Variants in UGGT1 observed in about 807,000 individuals in gnomAD.
UGGT1 encodes UDP-glucose glycoprotein glucosyltransferase 1.
UGGT1 carries 107 observed loss-of-function variants against 203.9 expected under a neutral mutation model. The ratio of observed to expected loss-of-function variants is 0.52; its 90% CI spans 0.45 to 0.62. UGGT1 has a LOEUF of 0.62. Among genes scored for constraint, UGGT1 ranks in the 20% least tolerant of loss-of-function variants. The pLI, the probability that UGGT1 is intolerant of heterozygous loss-of-function variation, is 0.00. For missense variants in UGGT1, 1,673 were observed against 1,867.2 expected, an observed-to-expected ratio of 0.90 and a Z score of 1.92; for synonymous variants, 628 against 653.5, an observed-to-expected ratio of 0.96 and a Z score of 0.59.
chr2:128,158,256 G>A (rs1050838302), intron 22 of UGGT1, among the ~76,000 whole-genome samples: 5 of 152,148 alleles, frequency 3.3e-5, no homozygotes, highest in African/African-American at 4.8e-5. Flanking sequence ...AGGTTCACAA[G>A]AAGTGCTCAA....
At chr2:128,130,909 C>T (rs955244630) in intron 13 of UGGT1, among the ~76,000 whole-genome samples, 1 of 152,100 alleles carries the variant, frequency 6.6e-6, no homozygotes, top group Admixed American at 6.6e-5. Context: ...CATAGGCATG[C>T]ACCACCTTAC....
chr2:128,157,533 C>T (rs1460913686), intron 22 of UGGT1, among the ~76,000 whole-genome samples, 187 bp downstream of exon 22: 1 of 152,144 alleles, frequency 6.6e-6, no homozygotes, highest in Non-Finnish European at 1.5e-5. Context: ...ACTACAGTAT[C>T]CAGGCTTTGT....
At chr2:128,155,417 C>A in intron 19 of UGGT1, 72 bp from the exon 20 acceptor site, 2 of 1,112,416 alleles carry the variant, frequency 1.8e-6, no homozygotes, top group South Asian at 2.7e-5. Context: ...ATGATCAAGT[C>A]AGGTTATCAG....
chr2:128,149,428 A>C (rs1009299546), intron 18 of UGGT1, among the ~76,000 whole-genome samples: 2 of 148,998 alleles, frequency 1.3e-5, no homozygotes, highest in Admixed American at 1.3e-4. Context: ...GCGGATAATG[A>C]GGTCAGGAGA....
intron 20 of UGGT1, among the ~76,000 whole-genome samples, 181 bp downstream of exon 20, chr2:128,155,768 A>G (rs566791054): frequency 6.6e-6 from 1 of 152,310 alleles, no homozygotes; most frequent in South Asian, 2.1e-4. Flanking sequence ...ATATTTGTTG[A>G]AAGTATATAT....
At chr2:128,122,182 C>G (rs1407601452) in intron 10 of UGGT1, among the ~76,000 whole-genome samples, 1 of 152,010 alleles carries the variant, frequency 6.6e-6, no homozygotes, top group Non-Finnish European at 1.5e-5. Context: ...CCATGTTGAT[C>G]AGACTGGTCT....
At chr2:128,144,641 A>G (rs1689591625) in intron 17 of UGGT1, among the ~76,000 whole-genome samples, 1 of 152,222 alleles carries the variant, frequency 6.6e-6, no homozygotes, top group Non-Finnish European at 1.5e-5. Flanking sequence ...TAAAACATTT[A>G]AACTATGATG....
rs111251799 is a variant in UGGT1 at position 128,121,916 on chromosome 2, T to C, written c.1073+618T>C. On this transcript the variant is annotated intron_variant, in intron 10 of 40. Coordinates refer to ENST00000259253, the MANE Select transcript of UGGT1 (RefSeq NM_020120.4). The stretch of plus-strand genomic sequence containing the variant: ...GAATTAAAATACCTGCCTTTCAGGA[T>C]TGGATGAGTCTTGCTCATATAACTA... 2.8e-3 allele frequency among the ~76,000 whole-genome samples: 431 copies of C among 152,320 alleles called. 3 individuals are homozygous for C. The highest frequency in any genetic ancestry group is 4.6e-3 in the Non-Finnish European group (312 of 68,024).
chr2:128,102,223 A>G (rs947975385), intron 2 of UGGT1, among the ~76,000 whole-genome samples: 1 of 151,478 alleles, frequency 6.6e-6, no homozygotes, highest in African/African-American at 2.4e-5. Context: ...GCTCACTGCA[A>G]CCTCCACCTC....
intron 18 of UGGT1, among the ~76,000 whole-genome samples, chr2:128,151,947 A>G (rs1349505003): frequency 6.6e-6 from 1 of 152,232 alleles, no homozygotes; most frequent in Non-Finnish European, 1.5e-5. Flanking sequence ...ATAAATCTGC[A>G]CATTTGCACA....
At chr2:128,117,356 C>T (rs1214245854) in intron 8 of UGGT1, among the ~76,000 whole-genome samples, 1 of 152,196 alleles carries the variant, frequency 6.6e-6, no homozygotes, top group Non-Finnish European at 1.5e-5. Flanking sequence ...TCCCAGAGTG[C>T]TGGGAATACA....
At chr2:128,122,651 A>G (rs547936365) in intron 10 of UGGT1, among the ~76,000 whole-genome samples, 1 of 152,352 alleles carries the variant, frequency 6.6e-6, no homozygotes, top group African/African-American at 2.4e-5. Context: ...ATTTTTAGAA[A>G]CTATTGACTT....
intron 28 of UGGT1, 113 bp from the exon 29 acceptor site, chr2:128,172,460 G>A (rs1691153069): frequency 1.6e-6 from 2 of 1,265,170 alleles, no homozygotes; most frequent in Admixed American, 4.2e-5. Flanking sequence ...AATCTGGAAG[G>A]GTACTCCTCC....
Position 128,171,258 on chromosome 2 carries a change from C to T in UGGT1, c.3078C>T (p.Ser1026=), listed in dbSNP as rs1196630880. 6.2e-7 allele frequency: 1 copy of T among 1,613,154 alleles called. No homozygotes were observed. The highest frequency in any genetic ancestry group is 8.5e-7 in the Non-Finnish European group (1 of 1,179,760). The change falls in exon 28 of 41, where the codon TCC becomes TCT. Residue 1026 remains serine (S), a synonymous_variant. Coordinates refer to ENST00000259253, the MANE Select transcript of UGGT1 (RefSeq NM_020120.4). ...TGAGAGTATTTATGAACTGCCAATCCAAACTTTCTGACATGCCTTTAAAAA... is the reference window on the plus strand; with the variant it reads ...TGAGAGTATTTATGAACTGCCAATCTAAACTTTCTGACATGCCTTTAAAAA... ...MNLRVFMNCQ[S]KLSDMPLKSF...
In UGGT1 at chr2:128,191,089, A is replaced by C. The variant is rs1186852019; in HGVS notation, c.*1347A>C. Reference sequence around the variant, plus strand: ...CATCTGCCAGGCTGCAGGGCACAGCAGCACTGGCATAGACAGGCACGCTCT... The same window carrying C: ...CATCTGCCAGGCTGCAGGGCACAGCCGCACTGGCATAGACAGGCACGCTCT... On this transcript the variant is annotated 3_prime_UTR_variant, in exon 41 of 41. Coordinates refer to ENST00000259253, the MANE Select transcript of UGGT1 (RefSeq NM_020120.4). The C allele has an allele frequency of 6.6e-6, 1 of 152,308 alleles. No homozygotes were observed. The highest frequency in any genetic ancestry group is 2.4e-5 in the African/African-American group (1 of 41,484). 9.4% of individuals were successfully genotyped at this position (152,308 alleles called of 1,614,324 possible).
Position 128,143,200 on chromosome 2 carries a change from AT to A in UGGT1, c.1828del (p.Ser610LeufsTer37). The A allele has an allele frequency of 1.2e-6, 2 of 1,613,590 alleles. No individual in the cohort carries two copies. The highest frequency in any genetic ancestry group is 2.7e-5 in the African/African-American group (2 of 74,998). On this transcript the variant is annotated frameshift_variant, in exon 17 of 41. Transcript: ENST00000259253. LOFTEE classifies it high-confidence loss of function. ...YVEVNSILGI[D>X]SAYDRNRKEA... ...GAAGTGAATAGCATTTTGGGGATTG[AT>A]TCTGCTTATGATCGGAATCGGAAGG...
chr2:128,171,162 A>G, intron 27 of UGGT1, 43 bp from the exon 28 acceptor site: 1 of 1,561,666 alleles, frequency 6.4e-7, no homozygotes, highest in Non-Finnish European at 8.7e-7. Context: ...AAATTTCTGA[A>G]GAAAAAAATC....
At chr2:128,128,397 T>C in intron 12 of UGGT1, among the ~76,000 whole-genome samples, 1 of 151,592 alleles carries the variant, frequency 6.6e-6, no homozygotes, top group East Asian at 1.9e-4. Flanking sequence ...CTGCAACCTC[T>C]GCCTCCCGGG....
At chr2:128,115,014 C>G in intron 6 of UGGT1, 110 bp from the exon 7 acceptor site, 1 of 876,924 alleles carries the variant, frequency 1.1e-6, no homozygotes, top group Non-Finnish European at 1.8e-6. Flanking sequence ...ATTTTGAGGG[C>G]ATAATCCGAG....
Sources: allele counts gnomAD v4.1 joint callset (sites outside exome capture counted in the v4.1 genomes callset), GRCh38; gene constraint gnomAD v4.1.1; transcripts MANE v1.5; gene names NCBI Gene and HGNC (gene_info 2026-07-23, HGNC 2026-07-21).